The following MAST4 variants were observed in gnomAD, a reference collection of about 807,000 sequenced individuals.
MAST4 encodes the protein microtubule-associated serine/threonine-protein kinase 4.
A neutral mutation model predicts 162.7 loss-of-function variants in MAST4; 89 were observed. The observed-to-expected ratio is 0.55, with a 90% confidence interval of 0.46 to 0.65. The LOEUF is 0.65. MAST4 is among the 30% of genes least tolerant of loss of function. The pLI is 0.00. For synonymous variants in MAST4, 1,479 were observed against 1,361.1 expected, an observed-to-expected ratio of 1.09 and a Z score of -1.91; for missense variants, 3,153 against 3,374.0, an observed-to-expected ratio of 0.93 and a Z score of 1.62.
At chr5:66,696,095 A>G (rs527732332) in intron 1 of MAST4, among the ~76,000 whole-genome samples, 71 of 152,254 alleles carry the variant, frequency 4.7e-4, no homozygotes, top group African/African-American at 1.7e-3. Context: ...GCAAACTAAC[A>G]CAGGAACAGA....
At chr5:66,774,377 G>T (rs1277030183) in intron 2 of MAST4, among the ~76,000 whole-genome samples, 1 of 152,160 alleles carries the variant, frequency 6.6e-6, no homozygotes, top group Non-Finnish European at 1.5e-5. Flanking sequence ...ACAAAGGGGG[G>T]AATAATACAT....
At chr5:66,711,644 G>A (rs1334858920) in intron 1 of MAST4, among the ~76,000 whole-genome samples, 1 of 152,136 alleles carries the variant, frequency 6.6e-6, no homozygotes, top group Non-Finnish European at 1.5e-5. Flanking sequence ...AGACCAGCCT[G>A]GCCAACATGG....
chr5:66,612,492 A>G (rs1743354436), intron 1 of MAST4, among the ~76,000 whole-genome samples: 1 of 152,200 alleles, frequency 6.6e-6, no homozygotes, highest in Non-Finnish European at 1.5e-5. Context: ...CAGGTATTGA[A>G]CCTTGCTACT....
intron 1 of MAST4, among the ~76,000 whole-genome samples, chr5:66,694,466 GCTTTTTTTTCTTTTTTTCTTT>G (rs1223074750): frequency 6.6e-6 from 1 of 151,946 alleles, no homozygotes; most frequent in Admixed American, 6.6e-5. Context: ...GTGATGTTGA[GCTTTTTTTTCTTTTTTTCTTT>G]CTTTTTTTTC....
At chr5:66,879,044 C>A (rs1490906724) in intron 3 of MAST4, among the ~76,000 whole-genome samples, 1 of 152,226 alleles carries the variant, frequency 6.6e-6, no homozygotes, top group African/African-American at 2.4e-5. Context: ...CTTTGGGAGG[C>A]CAAGGCTGGC....
At chr5:66,814,846 AT>A (rs35643133) in intron 3 of MAST4, among the ~76,000 whole-genome samples, 70,959 of 151,354 alleles carry the variant, frequency 0.47, 16,958 homozygotes, top group East Asian at 0.64. Flanking sequence ...CATCCTAGAG[AT>A]TTTTTTTTTC....
At chr5:66,649,331 C>T (rs1165578295) in intron 1 of MAST4, among the ~76,000 whole-genome samples, 2 of 152,094 alleles carry the variant, frequency 1.3e-5, no homozygotes, top group Non-Finnish European at 2.9e-5. Flanking sequence ...TAATCAGTGC[C>T]TGAACACATG....
At chr5:66,599,794 A>G (rs1342268843) in intron 1 of MAST4, among the ~76,000 whole-genome samples, 5 of 152,224 alleles carry the variant, frequency 3.3e-5, no homozygotes, top group Non-Finnish European at 7.3e-5. Flanking sequence ...ATGTGAGTGT[A>G]ATGTTATACT....
chr5:67,082,825 T>A (rs1244429177), intron 5 of MAST4, among the ~76,000 whole-genome samples: 2 of 152,184 alleles, frequency 1.3e-5, no homozygotes, highest in African/African-American at 4.8e-5. Context: ...ATAAAGTAAT[T>A]GTAAATGTTA....
At chr5:66,741,212 C>A (rs548684813) in intron 1 of MAST4, among the ~76,000 whole-genome samples, 18 of 152,188 alleles carry the variant, frequency 1.2e-4, no homozygotes, top group Non-Finnish European at 2.5e-4. Context: ...CTCTTCAGAG[C>A]AGTCTTCTCT....
intron 1 of MAST4, among the ~76,000 whole-genome samples, chr5:66,757,950 A>T (rs1013862467): frequency 6.6e-6 from 1 of 152,190 alleles, no homozygotes; most frequent in African/African-American, 2.4e-5. Context: ...TAGAGGCTAT[A>T]TGGAAACTTC....
intron 4 of MAST4, among the ~76,000 whole-genome samples, chr5:66,940,916 G>A (rs116305260): frequency 0.032 from 4,927 of 152,242 alleles, 249 homozygotes; most frequent in African/African-American, 0.11. Context: ...TGGATGTTTT[G>A]TTAGCAGGCA....
Position 67,165,529 on chromosome 5 carries a change from A to G in MAST4, c.6350A>G (p.Lys2117Arg). 1 of 1,614,002 alleles carries G rather than the reference A, an allele frequency of 6.2e-7. No homozygotes were observed. Among genetic ancestry groups the G allele is most frequent in the Non-Finnish European group, 8.5e-7 (1 of 1,179,894 alleles). The part of the protein sequence containing the change: ...SFPSLQKDGA[K>R]EPERKEQPLQ... ...CCATCTTTGCAGAAAGATGGTGCCA[A>G]GGAACCTGAAAGGAAGGAGCAGCCT... is the stretch of plus-strand genomic sequence containing the variant. Residue 2117 changes from lysine (K) to arginine (R), a missense_variant, in exon 29 of 29, where the codon AAG becomes AGG. Transcript: ENST00000403625.
At chr5:66,877,428 G>A (rs71626452) in intron 3 of MAST4, among the ~76,000 whole-genome samples, 1,756 of 152,292 alleles carry the variant, frequency 0.012, 30 homozygotes, top group South Asian at 0.053. Context: ...AACTGAAGCA[G>A]GGTGAAGTTC....
chr5:66,834,068 C>A (rs1195428565), intron 3 of MAST4, among the ~76,000 whole-genome samples: 1 of 152,200 alleles, frequency 6.6e-6, no homozygotes, highest in Non-Finnish European at 1.5e-5. Flanking sequence ...TCTGTCACCA[C>A]TAAGACTTGC....
At chr5:66,660,126 C>T (rs903374569) in intron 1 of MAST4, among the ~76,000 whole-genome samples, 1 of 152,182 alleles carries the variant, frequency 6.6e-6, no homozygotes, top group Non-Finnish European at 1.5e-5. Flanking sequence ...CGGTGGCTCA[C>T]ACCTGTAATC....
chr5:67,081,974 T>C (rs1581488807), intron 5 of MAST4, among the ~76,000 whole-genome samples: 1 of 152,212 alleles, frequency 6.6e-6, no homozygotes, highest in Non-Finnish European at 1.5e-5. Context: ...ACCAAAGTTA[T>C]CAATAACAGG....
chr5:67,076,223 T>A (rs1248244490), intron 5 of MAST4, among the ~76,000 whole-genome samples: 3 of 152,228 alleles, frequency 2.0e-5, no homozygotes, highest in Non-Finnish European at 2.9e-5. Flanking sequence ...TCTTGTTGGC[T>A]CCTTTTGCTT....
At chr5:66,963,328 A>C (rs1746253193) in intron 4 of MAST4, among the ~76,000 whole-genome samples, 1 of 152,178 alleles carries the variant, frequency 6.6e-6, no homozygotes, top group South Asian at 2.1e-4. Flanking sequence ...CTTTGTAAAA[A>C]CTACGATATT....
Sources: gnomAD v4.1 joint callset for allele counts (sites outside exome capture counted in the v4.1 genomes callset) on GRCh38, gnomAD v4.1.1 for gene constraint, MANE v1.5 for transcripts, NCBI Gene and HGNC (gene_info 2026-07-23, HGNC 2026-07-21) for gene names.